DNAJC11: variants seen among roughly 807,000 people sequenced by gnomAD.
DNAJC11 encodes dnaJ homolog subfamily C member 11.
Under a neutral mutation model 78.6 loss-of-function variants are expected in DNAJC11, and 15 were observed. That is an observed-to-expected ratio of 0.19 (90% CI 0.13 to 0.29). The LOEUF (loss-of-function observed/expected upper bound fraction) is 0.29. DNAJC11 is among the 10% of genes least tolerant of loss of function. The pLI is 1.00. For synonymous variants in DNAJC11, 292 were observed against 272.1 expected (o/e 1.07, Z -0.72); for missense variants, 547 against 709.6 (o/e 0.77, Z 2.60).
chr1:6,647,689 G>A (rs900943635), intron 7 of DNAJC11, among the ~76,000 whole-genome samples: 2 of 152,114 alleles, frequency 1.3e-5, no homozygotes, highest in Non-Finnish European at 2.9e-5. Flanking sequence ...GTGGTGGCAT[G>A]TGCCTGTAGT....
At chr1:6,642,859 A>G (rs1291181269) in intron 10 of DNAJC11, among the ~76,000 whole-genome samples, 1 of 152,006 alleles carries the variant, frequency 6.6e-6, no homozygotes, top group African/African-American at 2.4e-5. Context: ...TATGAGCTGG[A>G]GATTGAGGGG....
At chr1:6,647,080 CTTTT>C (rs70981396) in intron 7 of DNAJC11, among the ~76,000 whole-genome samples, 8 of 95,020 alleles carry the variant, frequency 8.4e-5, no homozygotes, top group Admixed American at 1.3e-4. Context: ...CTGGACAGGT[CTTTT>C]TTTTTTTTTT....
At chr1:6,700,397 C>T (rs947881446) in intron 1 of DNAJC11, among the ~76,000 whole-genome samples, 1 of 152,150 alleles carries the variant, frequency 6.6e-6, no homozygotes, top group Non-Finnish European at 1.5e-5. Context: ...TCTCTTCACA[C>T]GGACGCGCGT....
chr1:6,639,592 A>G lies in DNAJC11; in HGVS notation c.1253+310T>C, dbSNP rs188458376. 8.7e-4 allele frequency among the ~76,000 whole-genome samples: 132 copies of G among 152,236 alleles called. 1 individual carries two copies. The East Asian group carries it at 0.024, about 28-fold the overall frequency. ...GGTAATCCACCTGCCTCAGCCTTCCAAAGTGCTGGGAATACAGGCGTGAGC... is the reference window on the plus strand; with the variant it reads ...GGTAATCCACCTGCCTCAGCCTTCCGAAGTGCTGGGAATACAGGCGTGAGC... On this transcript the variant is annotated intron_variant, in intron 11 of 15. Transcript: ENST00000377577.
intron 1 of DNAJC11, among the ~76,000 whole-genome samples, 183 bp downstream of exon 1, chr1:6,701,546 G>A (rs1642929015): frequency 6.6e-6 from 1 of 152,114 alleles, no homozygotes; most frequent in Admixed American, 6.5e-5. Context: ...AACCCCCGGC[G>A]GGAGGGTCTG....
chr1:6,671,476 T>C (rs1281768585), intron 3 of DNAJC11, among the ~76,000 whole-genome samples: 1 of 150,954 alleles, frequency 6.6e-6, no homozygotes, highest in African/African-American at 2.4e-5. Flanking sequence ...GACCTCATGA[T>C]CCGCCTGCCT....
chr1:6,643,863 G>A (rs1241934374), intron 10 of DNAJC11, among the ~76,000 whole-genome samples: 1 of 152,044 alleles, frequency 6.6e-6, no homozygotes, highest in Non-Finnish European at 1.5e-5. Context: ...ACTCAGCAAA[G>A]ACACAAGCAA....
At chr1:6,692,846 G>C (rs1642767498) in intron 1 of DNAJC11, among the ~76,000 whole-genome samples, 1 of 152,016 alleles carries the variant, frequency 6.6e-6, no homozygotes, top group East Asian at 1.9e-4. Context: ...CCCGACTTCA[G>C]GTGATCTGCC....
chr1:6,699,195 G>A (rs1385074125), intron 1 of DNAJC11, among the ~76,000 whole-genome samples: 3 of 151,794 alleles, frequency 2.0e-5, no homozygotes, highest in Non-Finnish European at 4.4e-5. Context: ...AGCTACTAGC[G>A]AGTCTGAGGT....
At chr1:6,670,492 T>C (rs1376860227) in intron 3 of DNAJC11, 1 of 150,382 alleles carries the variant, frequency 6.6e-6, no homozygotes, top group Non-Finnish European at 1.5e-5. Flanking sequence ...TTTCAACAAA[T>C]AAAAAAAAAT....
At chr1:6,638,429 C>A in intron 11 of DNAJC11, 65 bp from the exon 12 acceptor site, 1 of 1,519,858 alleles carries the variant, frequency 6.6e-7, no homozygotes, top group Non-Finnish European at 9.0e-7. Context: ...CCAACACAGC[C>A]CCTCCCGTGC....
Position 6,635,585 on chromosome 1 carries a change from C to T in DNAJC11, c.*90G>A. ...CTATAATAATAATATAAAATAAAAA[C>T]ATCTGATGTCTGGGTTTTTTCATTT... On this transcript the variant is annotated 3_prime_UTR_variant, in exon 16 of 16. Coordinates refer to ENST00000377577, the MANE Select transcript of DNAJC11 (RefSeq NM_018198.4). The T allele has an allele frequency of 2.2e-6, 3 of 1,339,968 alleles. No homozygotes were observed. The highest frequency in any genetic ancestry group is 1.2e-5 in the South Asian group (1 of 80,246). The allele number at this position is 1,339,968 out of a possible 1,614,324, so 83.0% of individuals were successfully genotyped here.
At chr1:6,646,341 C>A (rs571179117) in intron 7 of DNAJC11, among the ~76,000 whole-genome samples, 7 of 152,158 alleles carry the variant, frequency 4.6e-5, no homozygotes, top group Non-Finnish European at 8.8e-5. Flanking sequence ...TTAAGCAGTC[C>A]AAGACAGTGG....
intron 1 of DNAJC11, among the ~76,000 whole-genome samples, chr1:6,695,089 T>A (rs1354756845): frequency 1.3e-5 from 2 of 148,256 alleles, no homozygotes; most frequent in Non-Finnish European, 3.0e-5. Flanking sequence ...GAGCTTGCAA[T>A]GAGCCGAGAT....
At chr1:6,661,066 T>C (rs1383884545) in intron 4 of DNAJC11, among the ~76,000 whole-genome samples, 2 of 152,226 alleles carry the variant, frequency 1.3e-5, no homozygotes, top group Non-Finnish European at 2.9e-5. Context: ...AGGTGTACAG[T>C]GTGCTGATTT....
chr1:6,654,181 C>T, intron 4 of DNAJC11, 142 bp from the exon 5 acceptor site: 1 of 958,764 alleles, frequency 1.0e-6, no homozygotes, highest in Non-Finnish European at 1.5e-6. Context: ...GACACTCCAC[C>T]AGGAAGCCCA....
chr1:6,658,441 A>G (rs1642162909), intron 4 of DNAJC11, among the ~76,000 whole-genome samples: 1 of 152,234 alleles, frequency 6.6e-6, no homozygotes, highest in African/African-American at 2.4e-5. Flanking sequence ...ATGTAATCCA[A>G]TTATAATTAC....
intron 4 of DNAJC11, among the ~76,000 whole-genome samples, chr1:6,665,291 A>G (rs1642278330): frequency 6.6e-6 from 1 of 151,920 alleles, no homozygotes; most frequent in South Asian, 2.1e-4. Flanking sequence ...CTGGTCTCAA[A>G]CTCCTGAACT....
intron 9 of DNAJC11, 34 bp from the exon 10 acceptor site, chr1:6,644,708 C>T (rs1641940216): frequency 1.3e-6 from 2 of 1,561,428 alleles, no homozygotes; most frequent in African/African-American, 1.4e-5. Context: ...TGCCTGTGCC[C>T]CTCATTCATC....
Sources: gnomAD v4.1 joint callset for allele counts (sites outside exome capture counted in the v4.1 genomes callset) on GRCh38, gnomAD v4.1.1 for gene constraint, MANE v1.5 for transcripts, NCBI Gene and HGNC (gene_info 2026-07-23, HGNC 2026-07-21) for gene names.